HPGD: variants seen among roughly 807,000 people sequenced by gnomAD.
HPGD encodes 15-hydroxyprostaglandin dehydrogenase.
In HPGD, 29 loss-of-function variants were observed where a neutral mutation model predicts 30.0. The ratio of observed to expected loss-of-function variants is 0.97; its 90% confidence interval spans 0.72 to 1.32. The LOEUF (loss-of-function observed/expected upper bound fraction) is 1.32. HPGD is among the 40% of genes most tolerant of loss of function. The probability of loss-of-function intolerance (pLI) is 0.00; values close to 1 mark genes in which losing one functional copy is unlikely to be tolerated. For synonymous variants in HPGD, 99 were observed against 112.4 expected, an observed-to-expected ratio of 0.88 and a Z score of 0.75; for missense variants, 340 against 322.1, an observed-to-expected ratio of 1.06 and a Z score of -0.43.
rs759137133 is a variant in HPGD, at chr4:174,518,022, A to T, written c.273T>A (p.Asn91Lys). The change falls in exon 3 of 7, where the codon AAT becomes AAA. Residue 91 changes from asparagine to lysine, a missense_variant. By Grantham distance (94) the Asn-to-Lys change is moderately conservative (BLOSUM62 0). Coordinates refer to ENST00000296522, the MANE Select transcript of HPGD (RefSeq NM_000860.6). ...AGTTTTTCTCATTATTCACTCCAGC[A>T]TTATTGACCAAAATGTCCAGTCTTC... ...HFGRLDILVN[N>K]AGVNNEKNWE... 1 of 1,609,058 alleles carries T rather than the reference A, an allele frequency of 6.2e-7. No individual in the cohort carries two copies.
At chr4:174,509,883 T>C (rs1735388621) in intron 3 of HPGD, among the ~76,000 whole-genome samples, 2 of 151,588 alleles carry the variant, frequency 1.3e-5, no homozygotes, top group African/African-American at 2.4e-5. Flanking sequence ...GTGTAGGCAC[T>C]TTTCCTGTTT....
In HPGD at chr4:174,521,949, A is replaced by C. The variant is rs1353202881; in HGVS notation, c.212T>G (p.Leu71Arg). ...IQCDVADQQQ[L>R]RDTFRKVVDH... Reference sequence around the variant, plus strand: ...GATTGATTCCCCTGTCTTACCTCTCAGTTGTTGCTGGTCAGCCACATCGCA... The same window carrying C: ...GATTGATTCCCCTGTCTTACCTCTCCGTTGTTGCTGGTCAGCCACATCGCA... The change falls in exon 2 of 7, where the codon CTG (leucine) becomes CGG (arginine). Residue 71 changes from leucine to arginine, a missense_variant. Physicochemically the swap from Leu to Arg is moderately radical, Grantham distance 102. Coordinates refer to ENST00000296522, the MANE Select transcript of HPGD (RefSeq NM_000860.6). 6.2e-7 allele frequency: 1 copy of C among 1,614,030 alleles called. No homozygotes were observed. The highest frequency in any genetic ancestry group is 8.5e-7 in the Non-Finnish European group (1 of 1,180,016).
chr4:174,493,905 T>C (rs1734461907), intron 5 of HPGD, among the ~76,000 whole-genome samples: 1 of 152,214 alleles, frequency 6.6e-6, no homozygotes, highest in Non-Finnish European at 1.5e-5. Flanking sequence ...AAAATTTACT[T>C]GTAACCCTGG....
Position 174,495,643 on chromosome 4 carries a change from A to G in HPGD, c.422-19T>C. 1 of 1,573,504 alleles carries G rather than the reference A, an allele frequency of 6.4e-7. No individual in the cohort carries two copies. The highest frequency in any genetic ancestry group is 8.7e-7 in the Non-Finnish European group (1 of 1,143,228). On this transcript the variant is annotated intron_variant, in intron 4 of 6. Transcript: ENST00000296522. ...ATGAGTCCTGAAACAGACAAATATA[A>G]CATTTAAATGCTTTGATGAAAAAAT...
intron 6 of HPGD, 137 bp downstream of exon 6, chr4:174,493,014 A>G (rs1006009332): frequency 5.0e-5 from 36 of 712,876 alleles, no homozygotes; most frequent in African/African-American, 2.3e-4. Flanking sequence ...ATTTTCTCCC[A>G]GAGAGTTTGC....
At chr4:174,509,326 C>T (rs1735355691) in intron 3 of HPGD, among the ~76,000 whole-genome samples, 1 of 152,182 alleles carries the variant, frequency 6.6e-6, no homozygotes, top group Non-Finnish European at 1.5e-5. Context: ...TCTACCTCCT[C>T]TCCATATAAT....
At chr4:174,515,347 G>A (rs1019698733) in intron 3 of HPGD, among the ~76,000 whole-genome samples, 1 of 152,076 alleles carries the variant, frequency 6.6e-6, no homozygotes, top group Non-Finnish European at 1.5e-5. Context: ...GGAGAAGCCA[G>A]AAATAAGGCT....
intron 3 of HPGD, among the ~76,000 whole-genome samples, chr4:174,516,752 G>T (rs1272793220): frequency 2.0e-5 from 3 of 152,158 alleles, no homozygotes; most frequent in Non-Finnish European, 4.4e-5. Flanking sequence ...TCTTCTCAAG[G>T]TAGGACTTAC....
At chr4:174,505,883 G>A (rs527406921) in intron 4 of HPGD, among the ~76,000 whole-genome samples, 1 of 152,288 alleles carries the variant, frequency 6.6e-6, no homozygotes, top group East Asian at 1.9e-4. Flanking sequence ...GTGTTGCCTT[G>A]TACATGTGGA....
Position 174,490,621 on chromosome 4 carries a change from CAG to C in HPGD, c.*1333_*1334del, listed in dbSNP as rs1391676265. The C allele has an allele frequency of 2.6e-5, 4 of 152,204 alleles. No homozygotes were observed. The highest frequency in any genetic ancestry group is 6.5e-5 in the Admixed American group (1 of 15,280). 9.4% of individuals were successfully genotyped at this position (152,204 alleles called of 1,614,324 possible). ...TAATACATTATATGAAAATCTAGACCAGAGTTATTAATATTCAAATTACTCCT... is the reference window on the plus strand; with the variant it reads ...TAATACATTATATGAAAATCTAGACCAGTTATTAATATTCAAATTACTCCT... On this transcript the variant is annotated 3_prime_UTR_variant, in exon 7 of 7. Coordinates refer to ENST00000296522, the MANE Select transcript of HPGD (RefSeq NM_000860.6). The surrounding 1 kb of genome is among the most constrained non-coding windows in gnomAD (Gnocchi z 4.4).
At chr4:174,520,408 CA>C (rs1736043720) in intron 2 of HPGD, among the ~76,000 whole-genome samples, 1 of 152,112 alleles carries the variant, frequency 6.6e-6, no homozygotes, top group African/African-American at 2.4e-5. Flanking sequence ...TTATAATTTC[CA>C]CACTGTCTAA....
At position 174,492,787 on chromosome 4, in the gene HPGD, A is replaced by G. The variant is rs1000072415; in HGVS notation, c.662+364T>C. Among the ~76,000 whole-genome samples, 1 of 152,052 alleles carries G rather than the reference A, an allele frequency of 6.6e-6. No individual in the cohort carries two copies. Among genetic ancestry groups the G allele is most frequent in the African/African-American group, 2.4e-5 (1 of 41,426 alleles). On this transcript the variant is annotated intron_variant, in intron 6 of 6. Transcript: ENST00000296522. This position sits in a 1 kb window ranked among gnomAD's most constrained non-coding sequence, Gnocchi z 4.9. ...GTCCATGTATGTGTGTGTATCAACT[A>G]TTTCTTATAAAAGTGGTTGAAGTCA...
intron 3 of HPGD, among the ~76,000 whole-genome samples, chr4:174,511,781 G>T (rs1267274078): frequency 2.0e-5 from 3 of 152,100 alleles, no homozygotes; most frequent in African/African-American, 7.2e-5. Flanking sequence ...TGAATAACTG[G>T]GACTACAGGC....
chr4:174,497,350 A>G (rs1734646726), intron 4 of HPGD, among the ~76,000 whole-genome samples: 1 of 152,276 alleles, frequency 6.6e-6, no homozygotes, highest in South Asian at 2.1e-4. Context: ...CGAAAGAAAT[A>G]TACTGCTTTG....
At chr4:174,515,401 G>T (rs112387003) in intron 3 of HPGD, among the ~76,000 whole-genome samples, 1 of 152,060 alleles carries the variant, frequency 6.6e-6, no homozygotes, top group Non-Finnish European at 1.5e-5. Flanking sequence ...TGACAAAAAC[G>T]AGCATGGGGA....
intron 5 of HPGD, 130 bp downstream of exon 5, chr4:174,495,418 T>C (rs1734545926): frequency 1.4e-6 from 1 of 715,942 alleles, no homozygotes; most frequent in East Asian, 2.6e-5. Context: ...CTTTTTATAA[T>C]TGAGATGGAG....
Position 174,492,187 on chromosome 4 carries a change from A to T in HPGD, c.663-93T>A. ...TTTTCTGAAGAATCTATTAAGTTGA[A>T]CATGTTATAGGGAAATGTGTGTCAT... On this transcript the variant is annotated intron_variant, in intron 6 of 6. Transcript: ENST00000296522. The surrounding 1 kb of genome is among the most constrained non-coding windows in gnomAD (Gnocchi z 4.9). The T allele has an allele frequency of 1.7e-6, 2 of 1,193,760 alleles. No homozygotes were observed. The highest frequency in any genetic ancestry group is 2.5e-6 in the Non-Finnish European group (2 of 810,288). The allele number at this position is 1,193,760 out of a possible 1,614,324, so 73.9% of individuals were successfully genotyped here. A position where few individuals can be genotyped will look rare whatever the true frequency, so the allele number is the denominator to read the frequency against.
Position 174,490,278 on chromosome 4 carries a change from T to C in HPGD, c.*1678A>G, listed in dbSNP as rs1168520058. ...TTAGAGCTACCTATAGAAGGTAAGA[T>C]TTAAAGTAAGTTTTTAACTTATGTA... On this transcript the variant is annotated 3_prime_UTR_variant, in exon 7 of 7. Transcript: ENST00000296522. The surrounding 1 kb of genome is among the most constrained non-coding windows in gnomAD (Gnocchi z 4.4). 1.3e-5 allele frequency: 2 copies of C among 152,340 alleles called. No individual in the cohort carries two copies. The highest frequency in any genetic ancestry group is 2.9e-5 in the Non-Finnish European group (2 of 68,036). 9.4% of individuals were successfully genotyped at this position (152,340 alleles called of 1,614,324 possible).
In HPGD at chr4:174,492,241, T is replaced by G; in HGVS notation, c.663-147A>C. ...ACTATTGCTACTTCCAATTTTTATT[T>G]AATTCCATATTAGATATCTAGATTA... On this transcript the variant is annotated intron_variant, in intron 6 of 6. Coordinates refer to ENST00000296522, the MANE Select transcript of HPGD (RefSeq NM_000860.6). This position sits in a 1 kb window ranked among gnomAD's most constrained non-coding sequence, Gnocchi z 4.9. 1 of 681,816 alleles carries G rather than the reference T, an allele frequency of 1.5e-6. No individual in the cohort carries two copies. The highest frequency in any genetic ancestry group is 1.7e-5 in the South Asian group (1 of 57,414). 42.2% of individuals were successfully genotyped at this position (681,816 alleles called of 1,614,324 possible).
Sources: gnomAD v4.1 joint callset for allele counts (sites outside exome capture counted in the v4.1 genomes callset) on GRCh38, gnomAD v4.1.1 for gene constraint, Gnocchi (gnomAD v3.1) non-coding constraint, MANE v1.5 for transcripts, NCBI Gene and HGNC (gene_info 2026-07-23, HGNC 2026-07-21) for gene names.